The following FBXO36 variants were observed in gnomAD, a reference collection of about 807,000 sequenced individuals.
The protein encoded by FBXO36 is F-box only protein 36.
Under a neutral mutation model 17.0 loss-of-function variants are expected in FBXO36, and 18 were observed. That is an observed-to-expected ratio of 1.06 (90% CI 0.73 to 1.57). The LOEUF is 1.57. Ranked by LOEUF, FBXO36 falls within the 40% of genes most tolerant of loss-of-function variation. The pLI is 0.00. For missense variants in FBXO36, 229 were observed against 221.9 expected (o/e 1.03, Z -0.20); for synonymous variants, 83 against 85.3 (o/e 0.97, Z 0.15).
At chr2:229,986,528 T>TAA (rs1014660054) in intron 2 of FBXO36, among the ~76,000 whole-genome samples, 1 of 149,946 alleles carries the variant, frequency 6.7e-6, no homozygotes, top group Non-Finnish European at 1.5e-5. Context: ...AAAATAAACA[T>TAA]AAAAATTTTT....
At chr2:230,000,486 G>A (rs1247032456) in intron 3 of FBXO36, among the ~76,000 whole-genome samples, 3 of 151,922 alleles carry the variant, frequency 2.0e-5, no homozygotes, top group Non-Finnish European at 4.4e-5. Context: ...TGCAGGGCCT[G>A]GATTTGATTT....
At chr2:229,944,586 CTTTTTCTTTT>C (rs1478514473) in intron 1 of FBXO36, among the ~76,000 whole-genome samples, 1 of 123,780 alleles carries the variant, frequency 8.1e-6, no homozygotes, top group Non-Finnish European at 1.6e-5. Flanking sequence ...TATTTTTTTT[CTTTTTCTTTT>C]TTTTTTTTTT....
At chr2:229,937,282 G>A (rs1035411162) in intron 1 of FBXO36, among the ~76,000 whole-genome samples, 1 of 151,946 alleles carries the variant, frequency 6.6e-6, no homozygotes, top group Non-Finnish European at 1.5e-5. Flanking sequence ...ATCACTTGAG[G>A]TCAGGAGTTT....
At chr2:229,969,639 G>C (rs1239137423) in intron 1 of FBXO36, among the ~76,000 whole-genome samples, 3 of 151,976 alleles carry the variant, frequency 2.0e-5, no homozygotes, top group African/African-American at 7.3e-5. Context: ...AGTGAGCCAA[G>C]ATCACGCCAC....
chr2:229,931,576 C>A (rs778617435), intron 1 of FBXO36, among the ~76,000 whole-genome samples: 1 of 152,204 alleles, frequency 6.6e-6, no homozygotes, highest in Admixed American at 6.5e-5. Flanking sequence ...CATGTTGGCT[C>A]ACACCTGTAA....
At chr2:229,978,656 T>A (rs2077222515) in intron 2 of FBXO36, among the ~76,000 whole-genome samples, 1 of 152,232 alleles carries the variant, frequency 6.6e-6, no homozygotes. Flanking sequence ...CTTATTATAG[T>A]TAACAATGTT....
At chr2:229,934,425 A>C (rs1211015668) in intron 1 of FBXO36, among the ~76,000 whole-genome samples, 1 of 152,084 alleles carries the variant, frequency 6.6e-6, no homozygotes. Flanking sequence ...TAAATAAAAT[A>C]AAATCCTATT....
chr2:229,996,066 A>G (rs775806656), intron 2 of FBXO36, among the ~76,000 whole-genome samples: 1 of 151,730 alleles, frequency 6.6e-6, no homozygotes, highest in Non-Finnish European at 1.5e-5. Flanking sequence ...GCTTGAGCCC[A>G]GGAGTTCTAG....
chr2:229,954,923 C>G (rs921365593), intron 1 of FBXO36, among the ~76,000 whole-genome samples: 6 of 151,314 alleles, frequency 4.0e-5, no homozygotes, highest in Admixed American at 4.0e-4. Flanking sequence ...CATCTCGGCT[C>G]ACTGCAACCT....
intron 1 of FBXO36, chr2:229,942,974 G>A (rs1363287571): frequency 2.0e-5 from 3 of 152,134 alleles, no homozygotes; most frequent in Non-Finnish European, 4.4e-5. Context: ...TATTTTGTAT[G>A]GTCCAAATAG....
chr2:229,939,062 T>C (rs1398472587), intron 1 of FBXO36: 1 of 161,754 alleles, frequency 6.2e-6, no homozygotes, highest in South Asian at 2.0e-4. Flanking sequence ...TTTTTTGTTT[T>C]TTTTTTTTTT....
chr2:229,998,440 T>C (rs2077339058), intron 3 of FBXO36, among the ~76,000 whole-genome samples: 1 of 152,150 alleles, frequency 6.6e-6, no homozygotes, highest in Non-Finnish European at 1.5e-5. Flanking sequence ...CTGACCAGCA[T>C]GGAGAAAACC....
chr2:229,967,083 G>A (rs1384681061), intron 1 of FBXO36, among the ~76,000 whole-genome samples: 1 of 152,098 alleles, frequency 6.6e-6, no homozygotes, highest in Admixed American at 6.6e-5. Flanking sequence ...TCCTTGAAGA[G>A]GTCCTTCACA....
intron 2 of FBXO36, 98 bp from the exon 3 acceptor site, chr2:229,996,653 C>A: frequency 7.6e-7 from 1 of 1,323,648 alleles, no homozygotes; most frequent in South Asian, 1.5e-5. Flanking sequence ...AACGTCACTC[C>A]CAGGGGAAAA....
chr2:229,996,646 G>A (rs984245806), intron 2 of FBXO36, 105 bp from the exon 3 acceptor site: 35 of 1,243,002 alleles, frequency 2.8e-5, no homozygotes, highest in Middle Eastern at 2.8e-4. Flanking sequence ...ATCATCTAAC[G>A]TCACTCCCAG....
intron 2 of FBXO36, among the ~76,000 whole-genome samples, chr2:229,995,592 C>CTTTTTTTTTTTTTTTTT (rs748422157): frequency 1.7e-5 from 2 of 114,552 alleles, no homozygotes; most frequent in African/African-American, 3.2e-5. Flanking sequence ...CTCTTTCTTT[C>CTTTTTTTTTTTTTTTTT]TTTCTTTTTT....
intron 1 of FBXO36, among the ~76,000 whole-genome samples, chr2:229,947,102 A>G (rs937697026): frequency 2.6e-5 from 4 of 151,850 alleles, no homozygotes; most frequent in African/African-American, 9.7e-5. Flanking sequence ...CGGGAGGCGG[A>G]GGTTGCAGTG....
chr2:229,952,828 A>G (rs1253792260), intron 1 of FBXO36, among the ~76,000 whole-genome samples: 1 of 152,210 alleles, frequency 6.6e-6, no homozygotes, highest in African/African-American at 2.4e-5. Context: ...TACAGATGGG[A>G]TGGACGCCAT....
intron 1 of FBXO36, among the ~76,000 whole-genome samples, chr2:229,971,381 A>T (rs560459938): frequency 6.6e-6 from 1 of 151,902 alleles, no homozygotes; most frequent in East Asian, 1.9e-4. Flanking sequence ...AAAAGAACAA[A>T]CAAAAAACAA....
Sources: allele counts gnomAD v4.1 joint callset (sites outside exome capture counted in the v4.1 genomes callset), GRCh38; gene constraint gnomAD v4.1.1; transcripts MANE v1.5; gene names NCBI Gene and HGNC (gene_info 2026-07-23, HGNC 2026-07-21).